FTO: variants seen among roughly 807,000 people sequenced by gnomAD.
FTO encodes the protein FTO alpha-ketoglutarate dependent dioxygenase.
In FTO, 47 loss-of-function variants were observed where a neutral mutation model predicts 63.9. That is an observed-to-expected ratio of 0.74 (90% CI 0.58 to 0.94). The LOEUF (loss-of-function observed/expected upper bound fraction) is 0.94. FTO is among the 40% of genes least tolerant of loss of function. FTO has a pLI of 0.00. For missense variants in FTO, 562 were observed against 618.1 expected, an observed-to-expected ratio of 0.91 and a Z score of 0.96; for synonymous variants, 207 against 224.4, an observed-to-expected ratio of 0.92 and a Z score of 0.69.
intron 8 of FTO, among the ~76,000 whole-genome samples, chr16:53,984,096 A>C (rs1429917033): frequency 6.6e-6 from 1 of 152,122 alleles, no homozygotes; most frequent in African/African-American, 2.4e-5. Context: ...CTGTGGCTTA[A>C]AACCCTATTG....
intron 8 of FTO, among the ~76,000 whole-genome samples, chr16:54,009,016 CCA>C (rs1491010291): frequency 4.6e-5 from 7 of 150,926 alleles, no homozygotes; most frequent in South Asian, 4.2e-4. Context: ...TGTCCCCCCC[CCA>C]AAAAAAAAGT....
At chr16:54,007,489 G>A (rs749349623) in intron 8 of FTO, among the ~76,000 whole-genome samples, 1 of 152,074 alleles carries the variant, frequency 6.6e-6, no homozygotes, top group African/African-American at 2.4e-5. Context: ...AAATATAAGA[G>A]TACCCACCTC....
chr16:53,815,636 G>GTTTTT lies in FTO; in HGVS notation c.123+5445_123+5449dup, dbSNP rs556357629. On this transcript the variant is annotated intron_variant, in intron 2 of 8. Coordinates refer to ENST00000471389, the MANE Select transcript of FTO (RefSeq NM_001080432.3). Reference sequence around the variant, plus strand: ...ACCCTATAAGGCCATTGACTTTCTTGTTTTTTTTTTTTTTTTTTTTTTTTT... The same window carrying GTTTTT: ...ACCCTATAAGGCCATTGACTTTCTTGTTTTTTTTTTTTTTTTTTTTTTTTTTTTTT... Among the ~76,000 whole-genome samples, 74 of 98,148 alleles carry GTTTTT rather than the reference G, an allele frequency of 7.5e-4. 7 individuals carry two copies. Among genetic ancestry groups the GTTTTT allele is most frequent in the African/African-American group, 1.1e-3 (21 of 18,548 alleles). 64.4% of individuals were successfully genotyped at this position (98,148 alleles called of 152,430 possible). A position where few individuals can be genotyped will look rare whatever the true frequency, so the allele number is the denominator to read the frequency against.
intron 8 of FTO, 53 bp from the exon 9 acceptor site, chr16:54,111,709 G>T (rs1156572884): frequency 1.2e-6 from 2 of 1,603,702 alleles, no homozygotes; most frequent in African/African-American, 1.3e-5. Flanking sequence ...TGTGGGTTGG[G>T]GTCTTCTGGG....
intron 1 of FTO, among the ~76,000 whole-genome samples, chr16:53,751,461 A>G (rs962068259): frequency 6.6e-6 from 1 of 152,176 alleles, no homozygotes; most frequent in African/African-American, 2.4e-5. Context: ...CCATCTCAAA[A>G]AAAAAAATTT....
chr16:54,048,413 G>A (rs28709640), intron 8 of FTO, among the ~76,000 whole-genome samples: 4,232 of 152,096 alleles, frequency 0.028, 214 homozygotes, highest in African/African-American at 0.096. Flanking sequence ...GAAGGCAAAA[G>A]TCGTTTTGAT....
chr16:54,066,335 C>CAA (rs1275476771), intron 8 of FTO, among the ~76,000 whole-genome samples: 1 of 152,194 alleles, frequency 6.6e-6, no homozygotes, highest in East Asian at 1.9e-4. Flanking sequence ...ACAAGTGACA[C>CAA]AACTGGAAAC....
chr16:53,862,663 G>C (rs149852429), intron 4 of FTO, among the ~76,000 whole-genome samples: 4,555 of 150,750 alleles, frequency 0.03, 251 homozygotes, highest in African/African-American at 0.11. Context: ...TGCCTCCCGA[G>C]TAGTTGGGAT....
At chr16:54,023,915 T>C (rs2084656693) in intron 8 of FTO, among the ~76,000 whole-genome samples, 1 of 152,200 alleles carries the variant, frequency 6.6e-6, no homozygotes, top group Non-Finnish European at 1.5e-5. Flanking sequence ...AAATTTTGTA[T>C]CATGCTTTTT....
At chr16:53,783,559 G>C (rs951742022) in intron 1 of FTO, among the ~76,000 whole-genome samples, 2 of 137,340 alleles carry the variant, frequency 1.5e-5, no homozygotes, top group Admixed American at 1.6e-4. Context: ...AGTGAAACGA[G>C]GTTGCGCCAC....
chr16:53,992,458 A>G (rs2083833274), intron 8 of FTO: 1 of 152,092 alleles, frequency 6.6e-6, no homozygotes, highest in South Asian at 2.1e-4. Flanking sequence ...TTTCTGCTGG[A>G]CATCCTGTCT....
intron 4 of FTO, among the ~76,000 whole-genome samples, chr16:53,847,929 G>T (rs2079679250): frequency 1.3e-5 from 2 of 152,114 alleles, no homozygotes; most frequent in South Asian, 4.2e-4. Flanking sequence ...TATAGGAGCT[G>T]ATATCCAAGA....
intron 1 of FTO, among the ~76,000 whole-genome samples, chr16:53,757,699 C>A (rs2076956858): frequency 6.6e-6 from 1 of 152,136 alleles, no homozygotes; most frequent in Admixed American, 6.5e-5. Context: ...TTATGATTTA[C>A]CTGATTTGGT....
rs544919469 is a variant in FTO, at chr16:53,832,248, G to A, written c.751+5757G>A. On this transcript the variant is annotated intron_variant, in intron 3 of 8. Transcript: ENST00000471389. The stretch of plus-strand genomic sequence containing the variant: ...CTCCCCTCTGTGAATGGCTTTATTC[G>A]GGAATAACTGACATACAATAAGCTA... Among the ~76,000 whole-genome samples, 12 of 152,184 alleles carry A rather than the reference G, an allele frequency of 7.9e-5. No homozygotes were observed. The East Asian group carries it at 1.2e-3, about 15-fold the overall frequency.
At chr16:53,733,247 G>A (rs1402702799) in intron 1 of FTO, among the ~76,000 whole-genome samples, 4 of 151,912 alleles carry the variant, frequency 2.6e-5, no homozygotes, top group Non-Finnish European at 5.9e-5. Context: ...CTAAAGATAC[G>A]AAAAATTAGC....
chr16:53,797,780 A>G (rs1483868528), intron 1 of FTO, among the ~76,000 whole-genome samples: 1 of 152,094 alleles, frequency 6.6e-6, no homozygotes, highest in Admixed American at 6.5e-5. Context: ...GCAGTGTATA[A>G]GAGTTCTAGT....
At chr16:53,719,328 C>T (rs2075977745) in intron 1 of FTO, among the ~76,000 whole-genome samples, 1 of 148,246 alleles carries the variant, frequency 6.7e-6, no homozygotes, top group South Asian at 2.2e-4. Context: ...GCCTCCCGGG[C>T]TCAAACAGTT....
chr16:53,906,912 G>A (rs2081553023), intron 7 of FTO, among the ~76,000 whole-genome samples: 1 of 152,084 alleles, frequency 6.6e-6, no homozygotes, highest in East Asian at 1.9e-4. Context: ...GGTACCCTGT[G>A]GGAGAACTCT....
rs746460464 is a variant in FTO at position 53,801,324 on chromosome 16, A to G, written c.46-8816A>G. Among the ~76,000 whole-genome samples the G allele has an allele frequency of 3.3e-5, 5 of 151,960 alleles. No homozygotes were observed. In the East Asian group the frequency reaches 7.7e-4, roughly 23 times the overall value. On this transcript the variant is annotated intron_variant, in intron 1 of 8. Transcript: ENST00000471389. Reference sequence around the variant, plus strand: ...TTCTTGAAGTATTACTGTGCTTCACATGTAGCATAAAAATTTTTACCACAA... The same window carrying G: ...TTCTTGAAGTATTACTGTGCTTCACGTGTAGCATAAAAATTTTTACCACAA...
Sources: allele counts gnomAD v4.1 joint callset (sites outside exome capture counted in the v4.1 genomes callset), GRCh38; gene constraint gnomAD v4.1.1; transcripts MANE v1.5; gene names NCBI Gene and HGNC (gene_info 2026-07-23, HGNC 2026-07-21).